Variants in MYO5B observed in about 807,000 individuals in gnomAD.
MYO5B encodes the protein unconventional myosin-Vb.
In MYO5B, 143 loss-of-function variants were observed where a neutral mutation model predicts 229.3. The observed-to-expected ratio is 0.62, with a 90% confidence interval of 0.54 to 0.72. The LOEUF (loss-of-function observed/expected upper bound fraction) is 0.72, where lower values mean the gene tolerates loss of function less well. Ranked by LOEUF, MYO5B falls within the 30% of genes least tolerant of loss-of-function variation. The pLI is 0.00. For missense variants in MYO5B, 2,321 were observed against 2,331.0 expected, an observed-to-expected ratio of 1.00 and a Z score of 0.09; for synonymous variants, 918 against 885.2, an observed-to-expected ratio of 1.04 and a Z score of -0.66.
In MYO5B at chr18:49,971,543, C is replaced by T. The variant is rs76269750; in HGVS notation, c.1322+2807G>A. 1.1e-3 allele frequency among the ~76,000 whole-genome samples: 165 copies of T among 152,318 alleles called. 2 individuals are homozygous for T. In the East Asian group the frequency reaches 0.022, roughly 20 times the overall value. Reference sequence around the variant, plus strand: ...AGTACCTCCAGACTCAAGCCACCTGCTCTTCCGTTAATTTGTTGATTTTAA... The same window carrying T: ...AGTACCTCCAGACTCAAGCCACCTGTTCTTCCGTTAATTTGTTGATTTTAA... On this transcript the variant is annotated intron_variant, in intron 10 of 39. Coordinates refer to ENST00000285039, the MANE Select transcript of MYO5B (RefSeq NM_001080467.3).
rs114470851 is a variant in MYO5B at position 50,022,536 on chromosome 18, T to C, written c.455+14314A>G. On this transcript the variant is annotated intron_variant, in intron 4 of 39. Coordinates refer to ENST00000285039, the MANE Select transcript of MYO5B (RefSeq NM_001080467.3). ...TAAGAAGGCAAAGACAAGGGACAAA[T>C]GCCACAGAGTTCAACTTCTGACGAT... Among the ~76,000 whole-genome samples, 425 of 152,320 alleles carry C rather than the reference T, an allele frequency of 2.8e-3. 2 individuals are homozygous for C. The highest frequency in any genetic ancestry group is 9.7e-3 in the African/African-American group (405 of 41,562).
At chr18:50,122,634 GGA>G (rs778675940) in intron 1 of MYO5B, among the ~76,000 whole-genome samples, 7 of 9,260 alleles carry the variant, frequency 7.6e-4, no homozygotes, top group African/African-American at 2.2e-3. Flanking sequence ...GAAGGGGGGG[GGA>G]GAGAGAGAGA....
chr18:50,121,411 G>C (rs373931549), intron 1 of MYO5B, among the ~76,000 whole-genome samples: 1 of 152,192 alleles, frequency 6.6e-6, no homozygotes, highest in African/African-American at 2.4e-5. Flanking sequence ...TCCAAGTCTT[G>C]TGTATGTCTT....
Position 50,195,004 on chromosome 18 carries a change from T to A in MYO5B, c.-211A>T. 1 of 585,088 alleles carries A rather than the reference T, an allele frequency of 1.7e-6. No individual in the cohort carries two copies. The highest frequency in any genetic ancestry group is 2.4e-6 in the Non-Finnish European group (1 of 410,550). The allele number at this position is 585,088 out of a possible 1,614,324, so 36.2% of individuals were successfully genotyped here. On this transcript the variant is annotated 5_prime_UTR_variant, in exon 1 of 40. Coordinates refer to ENST00000285039, the MANE Select transcript of MYO5B (RefSeq NM_001080467.3). ...TTTACTCCCGCCGCGGCGGCGCAGC[T>A]ACGGCCGGACAGGAGTTGCGAGCGC...
At chr18:50,188,742 G>A (rs1439037042) in intron 1 of MYO5B, among the ~76,000 whole-genome samples, 4 of 135,350 alleles carry the variant, frequency 3.0e-5, no homozygotes, top group African/African-American at 1.1e-4. Flanking sequence ...AGCTGAGATC[G>A]TTCCACTGCA....
chr18:49,835,100 A>C (rs1303944274), intron 39 of MYO5B, among the ~76,000 whole-genome samples: 3 of 152,242 alleles, frequency 2.0e-5, no homozygotes, highest in Non-Finnish European at 2.9e-5. Flanking sequence ...CATAATGCTT[A>C]AACTATGTCT....
chr18:49,884,773 A>G (rs1480494137), intron 22 of MYO5B, among the ~76,000 whole-genome samples: 1 of 152,184 alleles, frequency 6.6e-6, no homozygotes, highest in Non-Finnish European at 1.5e-5. Flanking sequence ...TGAGTATATA[A>G]AAATCACTTG....
intron 1 of MYO5B, among the ~76,000 whole-genome samples, chr18:50,123,615 T>TAC (rs1307510851): frequency 1.3e-5 from 2 of 152,060 alleles, no homozygotes; most frequent in African/African-American, 4.8e-5. Context: ...TGGTGCACCG[T>TAC]ACAGTCCCAG....
chr18:50,014,806 T>G (rs1038800414), intron 4 of MYO5B, among the ~76,000 whole-genome samples: 2 of 152,240 alleles, frequency 1.3e-5, no homozygotes, highest in African/African-American at 4.8e-5. Context: ...TTCCATCCAT[T>G]AGGCAATTTT....
chr18:49,921,765 G>A (rs1227521551), intron 17 of MYO5B, among the ~76,000 whole-genome samples: 2 of 152,148 alleles, frequency 1.3e-5, no homozygotes, highest in Non-Finnish European at 2.9e-5. Context: ...GAACTCTGCC[G>A]AAAAAGCCCT....
rs937291906 is a variant in MYO5B, at chr18:50,194,826, C to T, written c.-33G>A. The T allele has an allele frequency of 7.7e-7, 1 of 1,300,728 alleles. No individual in the cohort carries two copies. Among genetic ancestry groups the T allele is most frequent in the Admixed American group, 4.1e-5 (1 of 24,684 alleles). 80.6% of individuals were successfully genotyped at this position (1,300,728 alleles called of 1,614,324 possible). On this transcript the variant is annotated 5_prime_UTR_variant, in exon 1 of 40. Transcript: ENST00000285039. ...GCCGGGCGGGGCTCGGGCCCCGGCT[C>T]CTGGCTGCCCCGCGGCTCTCAGTCC...
At chr18:49,957,240 CAG>C (rs1038856837) in intron 12 of MYO5B, among the ~76,000 whole-genome samples, 7 of 75,866 alleles carry the variant, frequency 9.2e-5, no homozygotes, top group Non-Finnish European at 1.8e-4. Flanking sequence ...GATCTCTAAA[CAG>C]AAACTGTACA....
chr18:50,039,320 T>A (rs1444722045), intron 3 of MYO5B, among the ~76,000 whole-genome samples: 1 of 152,130 alleles, frequency 6.6e-6, no homozygotes, highest in African/African-American at 2.4e-5. Context: ...AGAAGTTTAT[T>A]TCGTTGTTTT....
At chr18:49,875,434 T>A (rs2024507901) in intron 26 of MYO5B, among the ~76,000 whole-genome samples, 1 of 152,180 alleles carries the variant, frequency 6.6e-6, no homozygotes, top group Non-Finnish European at 1.5e-5. Context: ...AAGTAGGTGA[T>A]GATGCCACAG....
intron 1 of MYO5B, among the ~76,000 whole-genome samples, chr18:50,114,636 T>G (rs1027334032): frequency 6.6e-6 from 1 of 152,194 alleles, no homozygotes; most frequent in Non-Finnish European, 1.5e-5. Flanking sequence ...CGTCAGAGCC[T>G]CGACACACGC....
chr18:50,121,459 A>G (rs1160744570), intron 1 of MYO5B, among the ~76,000 whole-genome samples: 1 of 152,240 alleles, frequency 6.6e-6, no homozygotes, highest in Non-Finnish European at 1.5e-5. Context: ...GGATTTACCT[A>G]AAAGATTTAT....
intron 1 of MYO5B, among the ~76,000 whole-genome samples, chr18:50,088,288 G>A (rs967998137): frequency 2.0e-5 from 3 of 152,248 alleles, no homozygotes; most frequent in East Asian, 1.9e-4. Context: ...GAAAGTTTCC[G>A]AAACAGACAA....
chr18:50,072,063 T>C (rs1483403964), intron 1 of MYO5B, among the ~76,000 whole-genome samples: 1 of 152,224 alleles, frequency 6.6e-6, no homozygotes, highest in Admixed American at 6.5e-5. Context: ...TTGGTACCAC[T>C]AGGCCCTGTT....
At position 50,188,785 on chromosome 18, in the gene MYO5B, T is replaced by TAA. The variant is rs4042094; in HGVS notation, c.27+5980_27+5981dup. Among the ~76,000 whole-genome samples, 1,002 of 104,812 alleles carry TAA rather than the reference T, an allele frequency of 9.6e-3. 68 individuals are homozygous for TAA. Among genetic ancestry groups the TAA allele is most frequent in the South Asian group, 0.02 (49 of 2,422 alleles). The allele number at this position is 104,812 out of a possible 152,430, so 68.8% of individuals were successfully genotyped here. On this transcript the variant is annotated intron_variant, in intron 1 of 39. Transcript: ENST00000285039. ...CTGGTGACACAGTGAGACTCTGTCA[T>TAA]AAAAAAAAAAAAAAAAAAAAAAAAA... is the stretch of plus-strand genomic sequence containing the variant.
Sources: gnomAD v4.1 joint callset for allele counts (sites outside exome capture counted in the v4.1 genomes callset) on GRCh38, gnomAD v4.1.1 for gene constraint, MANE v1.5 for transcripts, NCBI Gene and HGNC (gene_info 2026-07-23, HGNC 2026-07-21) for gene names.